The following BICD1 variants were observed in gnomAD, a reference collection of about 807,000 sequenced individuals.
BICD1 encodes the protein protein bicaudal D homolog 1.
In BICD1, 35 loss-of-function variants were observed where a neutral mutation model predicts 92.5. The observed-to-expected ratio is 0.38, with a 90% CI of 0.29 to 0.50. BICD1 has a LOEUF of 0.50. Ranked by LOEUF, BICD1 falls within the 20% of genes least tolerant of loss-of-function variation. The probability of loss-of-function intolerance (pLI) is 0.93; values close to 1 mark genes in which losing one functional copy is unlikely to be tolerated. For missense variants in BICD1, 950 were observed against 1,189.8 expected (o/e 0.80, Z 2.97); for synonymous variants, 429 against 465.1 (o/e 0.92, Z 1.00).
chr12:32,361,712 C>T (rs912852521), intron 8 of BICD1, among the ~76,000 whole-genome samples: 3 of 152,032 alleles, frequency 2.0e-5, no homozygotes, highest in Non-Finnish European at 2.9e-5. Flanking sequence ...GTGGAAAATA[C>T]GATCTTGTGA....
intron 1 of BICD1, among the ~76,000 whole-genome samples, chr12:32,172,951 A>G (rs1170016636): frequency 6.6e-6 from 1 of 152,258 alleles, no homozygotes; most frequent in East Asian, 1.9e-4. Context: ...ACATAACCCA[A>G]CTAATACCAA....
chr12:32,147,363 G>A (rs1442739539), intron 1 of BICD1, among the ~76,000 whole-genome samples: 1 of 152,116 alleles, frequency 6.6e-6, no homozygotes, highest in Non-Finnish European at 1.5e-5. Flanking sequence ...AATCCACAAC[G>A]CTCATTTCAC....
chr12:32,321,078 C>A (rs760562104), intron 4 of BICD1, among the ~76,000 whole-genome samples: 12 of 152,128 alleles, frequency 7.9e-5, no homozygotes, highest in Middle Eastern at 3.2e-3. Context: ...GTAATCCCAG[C>A]ACTTTGGGAG....
intron 1 of BICD1, among the ~76,000 whole-genome samples, chr12:32,182,359 T>C (rs1250120259): frequency 7.1e-6 from 1 of 140,022 alleles, no homozygotes; most frequent in Non-Finnish European, 1.5e-5. Flanking sequence ...CTCAGCTCAC[T>C]GCAACCTCCA....
chr12:32,328,089 G>C lies in BICD1; in HGVS notation c.1634G>C (p.Arg545Pro), dbSNP rs777649808. ...TACTATAGGCAGAGCAGAGTCACCCGCAGTGGCAGCCTGAAAGGGCCCGAT... is the reference window on the plus strand; with the variant it reads ...TACTATAGGCAGAGCAGAGTCACCCCCAGTGGCAGCCTGAAAGGGCCCGAT... ...LDYYRQSRVT[R>P]SGSLKGPDDP... Residue 545 changes from arginine (R) to proline (P), a missense_variant, in exon 5 of 10, where the codon CGC becomes CCC. Transcript: ENST00000652176. This position sits in a 1 kb window ranked among gnomAD's most constrained non-coding sequence, Gnocchi z 4.4. 1 of 1,614,000 alleles carries C rather than the reference G, an allele frequency of 6.2e-7. No individual in the cohort carries two copies. Among genetic ancestry groups the C allele is most frequent in the South Asian group, 1.1e-5 (1 of 91,084 alleles).
rs1371659130 is a variant in BICD1 at position 32,361,705 on chromosome 12, G to GA, written c.2765-5961dup. On this transcript the variant is annotated intron_variant, in intron 8 of 9. Transcript: ENST00000652176. ...TCATGAGGGAAAGAGATGTGGTGTG[G>GA]AAAATACGATCTTGTGAAAAAGTAG... is the stretch of plus-strand genomic sequence containing the variant. Among the ~76,000 whole-genome samples the GA allele has an allele frequency of 4.6e-5, 7 of 152,248 alleles. No homozygotes were observed. The East Asian group carries it at 1.3e-3, about 29-fold the overall frequency.
intron 1 of BICD1, among the ~76,000 whole-genome samples, chr12:32,178,072 G>C (rs943182384): frequency 6.6e-6 from 1 of 151,500 alleles, no homozygotes; most frequent in Non-Finnish European, 1.5e-5. Flanking sequence ...GTTATTTCTA[G>C]AAGTATGAAT....
chr12:32,291,724 G>A (rs528346053), intron 2 of BICD1, among the ~76,000 whole-genome samples: 26 of 152,066 alleles, frequency 1.7e-4, no homozygotes, highest in African/African-American at 5.3e-4. Context: ...TGTAGTCCCA[G>A]CTACTTAGGA....
intron 1 of BICD1, among the ~76,000 whole-genome samples, chr12:32,122,220 G>C (rs1942179076): frequency 6.6e-6 from 1 of 152,002 alleles, no homozygotes; most frequent in Non-Finnish European, 1.5e-5. Context: ...GCCGAGGTGG[G>C]TGGATCACGA....
At chr12:32,304,950 A>T (rs989935305) in intron 3 of BICD1, among the ~76,000 whole-genome samples, 13 of 152,190 alleles carry the variant, frequency 8.5e-5, no homozygotes, top group Non-Finnish European at 2.9e-5. Flanking sequence ...TGAGCCCGGG[A>T]GGTTGAGGCT....
chr12:32,224,676 A>G lies in BICD1; in HGVS notation c.426+8217A>G, dbSNP rs117936246. Among the ~76,000 whole-genome samples, 874 of 152,198 alleles carry G rather than the reference A, an allele frequency of 5.7e-3. 6 individuals carry two copies. Among genetic ancestry groups the G allele is most frequent in the East Asian group, 0.018 (95 of 5,182 alleles). ...ATTAGTTTGCAATTCAGGCTCATAG[A>G]ATTTTTGTGTGTGTGTATACAGTTG... On this transcript the variant is annotated intron_variant, in intron 2 of 9. Coordinates refer to ENST00000652176, the MANE Select transcript of BICD1 (RefSeq NM_001714.4).
In BICD1 at chr12:32,378,933, T is replaced by G. The variant is rs1167591973; in HGVS notation, c.*1306T>G. 1 of 152,238 alleles carries G rather than the reference T, an allele frequency of 6.6e-6. No individual in the cohort carries two copies. Among genetic ancestry groups the G allele is most frequent in the Non-Finnish European group, 1.5e-5 (1 of 68,044 alleles). The allele number at this position is 152,238 out of a possible 1,614,324, so 9.4% of individuals were successfully genotyped here. A position where few individuals can be genotyped will look rare whatever the true frequency, so the allele number is the denominator to read the frequency against. On this transcript the variant is annotated 3_prime_UTR_variant, in exon 10 of 10. Coordinates refer to ENST00000652176, the MANE Select transcript of BICD1 (RefSeq NM_001714.4). ...GTGGATTTTCATAGCAAAATTTATT[T>G]TGCACATAATCTGACAAACAAGGAA...
At chr12:32,213,076 A>G (rs11051855) in intron 1 of BICD1, among the ~76,000 whole-genome samples, 3,653 of 152,320 alleles carry the variant, frequency 0.024, 56 homozygotes, top group Non-Finnish European at 0.036. Flanking sequence ...CGTTGATACA[A>G]TAGCATCACT....
At chr12:32,196,346 G>A (rs1944727415) in intron 1 of BICD1, among the ~76,000 whole-genome samples, 1 of 152,150 alleles carries the variant, frequency 6.6e-6, no homozygotes, top group Admixed American at 6.5e-5. Flanking sequence ...GTTCATAGCA[G>A]CACTATTCAC....
intron 2 of BICD1, among the ~76,000 whole-genome samples, chr12:32,231,587 AT>A (rs1565604773): frequency 1.5e-4 from 22 of 149,094 alleles, no homozygotes; most frequent in Admixed American, 4.0e-4. Flanking sequence ...TTATTTATTT[AT>A]TTATTTATTT....
intron 1 of BICD1, among the ~76,000 whole-genome samples, chr12:32,112,388 A>G (rs761722188): frequency 2.0e-5 from 3 of 152,176 alleles, no homozygotes; most frequent in Non-Finnish European, 4.4e-5. Context: ...ATCATCTTTT[A>G]TCACATTCCC....
chr12:32,233,658 A>T (rs1033124199), intron 2 of BICD1, among the ~76,000 whole-genome samples: 1 of 151,776 alleles, frequency 6.6e-6, no homozygotes, highest in Admixed American at 6.6e-5. Context: ...TTTTGTACAT[A>T]TTGATTCTTG....
chr12:32,332,509 A>C, intron 5 of BICD1: 1 of 903,478 alleles, frequency 1.1e-6, no homozygotes, highest in East Asian at 1.2e-4. Flanking sequence ...TCCATCTAGC[A>C]CTGTGCTAGA....
At chr12:32,244,234 A>G (rs1946313308) in intron 2 of BICD1, among the ~76,000 whole-genome samples, 1 of 152,190 alleles carries the variant, frequency 6.6e-6, no homozygotes. Flanking sequence ...AAAACGTTCC[A>G]ATCTAGTTTT....
Sources: allele counts gnomAD v4.1 joint callset (sites outside exome capture counted in the v4.1 genomes callset), GRCh38; gene constraint gnomAD v4.1.1; non-coding constraint Gnocchi (gnomAD v3.1); transcripts MANE v1.5; gene names NCBI Gene and HGNC (gene_info 2026-07-23, HGNC 2026-07-21).